The following TMEM232 variants were observed in gnomAD, a reference collection of about 807,000 sequenced individuals.
TMEM232 encodes the protein transmembrane protein 232.
TMEM232 carries 80 observed loss-of-function variants against 78.8 expected under a neutral mutation model. The observed-to-expected ratio is 1.01, with a 90% CI of 0.85 to 1.22. TMEM232 has a LOEUF of 1.22. TMEM232 is among the 50% of genes most tolerant of loss of function. TMEM232 has a pLI of 0.00. For missense variants in TMEM232, 881 were observed against 742.2 expected, an observed-to-expected ratio of 1.19 and a Z score of -2.17; for synonymous variants, 297 against 254.3, an observed-to-expected ratio of 1.17 and a Z score of -1.60.
chr5:110,652,294 G>GCGCGCGCACACACACACACACA (rs1554069154), intron 2 of TMEM232, among the ~76,000 whole-genome samples: 31 of 145,360 alleles, frequency 2.1e-4, no homozygotes, highest in African/African-American at 5.2e-4. Flanking sequence ...GCACGCGCGC[G>GCGCGCGCACACACACACACACA]CACACACACA....
At chr5:110,504,590 G>T (rs1487751492) in intron 12 of TMEM232, among the ~76,000 whole-genome samples, 1 of 152,194 alleles carries the variant, frequency 6.6e-6, no homozygotes, top group Admixed American at 6.5e-5. Flanking sequence ...TATAGTTCCA[G>T]TCTGAAAGCT....
intron 12 of TMEM232, among the ~76,000 whole-genome samples, chr5:110,448,435 GA>G (rs1302011837): frequency 2.0e-5 from 3 of 152,030 alleles, no homozygotes; most frequent in African/African-American, 7.2e-5. Flanking sequence ...TGTCGTTCTA[GA>G]AACTAACACC....
rs368265841 is a variant in TMEM232, at chr5:110,618,412, T to C, written c.902+17A>G. 6 of 1,547,976 alleles carry C rather than the reference T, an allele frequency of 3.9e-6. No individual in the cohort carries two copies. Among genetic ancestry groups the C allele is most frequent in the Non-Finnish European group, 5.2e-6 (6 of 1,146,034 alleles). On this transcript the variant is annotated intron_variant, in intron 8 of 13. Coordinates refer to ENST00000455884, the MANE Select transcript of TMEM232 (RefSeq NM_001039763.4). The stretch of plus-strand genomic sequence containing the variant: ...ATTTCTCCATGAGTTACTTTGGATT[T>C]ATAGGATCACTCTTACCAGCATTTC...
intron 2 of TMEM232, among the ~76,000 whole-genome samples, chr5:110,645,223 T>A (rs573883034): frequency 6.6e-6 from 1 of 151,872 alleles, no homozygotes; most frequent in East Asian, 1.9e-4. Context: ...AAACTCATTT[T>A]ATGAGGCCAG....
chr5:110,584,250 A>C lies in TMEM232; in HGVS notation c.1277-15625T>G, dbSNP rs561894726. On this transcript the variant is annotated intron_variant, in intron 10 of 13. Coordinates refer to ENST00000455884, the MANE Select transcript of TMEM232 (RefSeq NM_001039763.4). Reference sequence around the variant, plus strand: ...ATAGTCAAGATACGGAAACAACCTAAATGTCTGTTGACAGATGAATGGATA... The same window carrying C: ...ATAGTCAAGATACGGAAACAACCTACATGTCTGTTGACAGATGAATGGATA... 5.3e-5 allele frequency among the ~76,000 whole-genome samples: 8 copies of C among 151,992 alleles called. 1 individual carries two copies. The South Asian group carries it at 1.2e-3, about 24-fold the overall frequency.
chr5:110,505,218 A>G (rs1319210534), intron 12 of TMEM232, among the ~76,000 whole-genome samples: 1 of 152,172 alleles, frequency 6.6e-6, no homozygotes, highest in Non-Finnish European at 1.5e-5. Flanking sequence ...TACAAATACA[A>G]GAAGGACACT....
intron 12 of TMEM232, among the ~76,000 whole-genome samples, chr5:110,485,672 G>A (rs370789194): frequency 1.3e-4 from 20 of 152,176 alleles, no homozygotes; most frequent in African/African-American, 3.9e-4. Flanking sequence ...GTATTCCATC[G>A]TATATTATAT....
chr5:110,522,403 C>T (rs927788702), intron 12 of TMEM232, among the ~76,000 whole-genome samples: 2 of 152,008 alleles, frequency 1.3e-5, no homozygotes, highest in Non-Finnish European at 1.5e-5. Context: ...GATATGGATG[C>T]CTTTTATTTT....
intron 2 of TMEM232, among the ~76,000 whole-genome samples, chr5:110,400,181 A>G (rs923922494): frequency 6.6e-6 from 1 of 152,122 alleles, no homozygotes; most frequent in African/African-American, 2.4e-5. Context: ...TTAGGTTGGT[A>G]TAGCTAAGTG....
At chr5:110,622,165 T>C (rs1783834146) in intron 7 of TMEM232, among the ~76,000 whole-genome samples, 1 of 152,174 alleles carries the variant, frequency 6.6e-6, no homozygotes, top group Admixed American at 6.6e-5. Context: ...GGAGTTTATG[T>C]CTCATTCTAA....
At chr5:110,708,101 C>T (rs984990863) in intron 1 of TMEM232, among the ~76,000 whole-genome samples, 1 of 152,118 alleles carries the variant, frequency 6.6e-6, no homozygotes, top group African/African-American at 2.4e-5. Flanking sequence ...ATGGTGGCTA[C>T]AGTAAAAGAC....
At chr5:110,706,159 A>G (rs1795912399) in intron 1 of TMEM232, among the ~76,000 whole-genome samples, 3 of 152,134 alleles carry the variant, frequency 2.0e-5, no homozygotes, top group African/African-American at 4.8e-5. Flanking sequence ...GCAGCAAAAG[A>G]TTGTCCAAAC....
intron 11 of TMEM232, among the ~76,000 whole-genome samples, chr5:110,533,008 A>G (rs148346290): frequency 0.019 from 2,851 of 152,220 alleles, 83 homozygotes; most frequent in African/African-American, 0.065. Context: ...TGTTTTGCCT[A>G]TCCACCCTGT....
chr5:110,411,105 G>A (rs559538981), intron 2 of TMEM232, among the ~76,000 whole-genome samples: 1 of 152,180 alleles, frequency 6.6e-6, no homozygotes, highest in Non-Finnish European at 1.5e-5. Flanking sequence ...GCACCATGAC[G>A]AATAAAAAGG....
At chr5:110,701,272 C>G (rs1332103725) in intron 1 of TMEM232, among the ~76,000 whole-genome samples, 1 of 151,874 alleles carries the variant, frequency 6.6e-6, no homozygotes, top group Non-Finnish European at 1.5e-5. Flanking sequence ...CAATCATCTA[C>G]TGAAATAGAA....
In TMEM232 at chr5:110,434,133, T is replaced by C. The variant is rs112582534; in HGVS notation, c.1704-9217A>G. ...AAAATCAGAGCAGAACTAAATGAAA[T>C]TGAGACCCCCCCAAAACATGCAAAG... is the stretch of plus-strand genomic sequence containing the variant. On this transcript the variant is annotated intron_variant, in intron 12 of 13. Transcript: ENST00000455884. Among the ~76,000 whole-genome samples the C allele has an allele frequency of 3.7e-3, 559 of 150,614 alleles. 3 individuals are homozygous for C. The highest frequency in any genetic ancestry group is 0.013 in the African/African-American group (520 of 41,054).
intron 11 of TMEM232, among the ~76,000 whole-genome samples, chr5:110,534,006 C>G (rs1771944569): frequency 6.6e-6 from 1 of 152,130 alleles, no homozygotes. Context: ...GGCCCTCTCC[C>G]TTCCCTACAC....
chr5:110,683,381 T>C (rs1792991987), intron 1 of TMEM232, among the ~76,000 whole-genome samples: 1 of 151,540 alleles, frequency 6.6e-6, no homozygotes, highest in Non-Finnish European at 1.5e-5. Context: ...TACAAAGAGA[T>C]ACACACACAC....
At chr5:110,421,663 C>A (rs1286247177) in intron 13 of TMEM232, among the ~76,000 whole-genome samples, 4 of 152,054 alleles carry the variant, frequency 2.6e-5, no homozygotes, top group African/African-American at 9.7e-5. Context: ...TTGTAGATTA[C>A]TATATATACC....
Sources: allele counts gnomAD v4.1 joint callset (sites outside exome capture counted in the v4.1 genomes callset), GRCh38; gene constraint gnomAD v4.1.1; transcripts MANE v1.5; gene names NCBI Gene and HGNC (gene_info 2026-07-23, HGNC 2026-07-21).